The following FGFR3 variants were observed in gnomAD, a reference collection of about 807,000 sequenced individuals.
FGFR3 encodes fibroblast growth factor receptor 3.
Under a neutral mutation model 82.9 loss-of-function variants are expected in FGFR3, and 25 were observed. The ratio of observed to expected loss-of-function variants is 0.30; its 90% CI spans 0.22 to 0.42. FGFR3 has a LOEUF of 0.42. Among genes scored for constraint, FGFR3 ranks in the 10% least tolerant of loss-of-function variants. FGFR3 has a pLI of 1.00. For missense variants in FGFR3, 1,026 were observed against 1,161.0 expected (o/e 0.88, Z 1.69); for synonymous variants, 620 against 516.0 (o/e 1.20, Z -2.73).
rs185946582 is a variant in FGFR3, at chr4:1,808,180, C to T, written c.*918C>T. 1.2e-3 allele frequency: 273 copies of T among 232,702 alleles called. No homozygotes were observed. Among genetic ancestry groups the T allele is most frequent in the Non-Finnish European group, 1.7e-3 (202 of 117,752 alleles). The allele number at this position is 232,702 out of a possible 1,614,324, so 14.4% of individuals were successfully genotyped here. ...TTCCAGCATTTAGCTGGCCACATGGCGGAGAGTTTTAATTTTTAACTTATT... is the reference window on the plus strand; with the variant it reads ...TTCCAGCATTTAGCTGGCCACATGGTGGAGAGTTTTAATTTTTAACTTATT... On this transcript the variant is annotated 3_prime_UTR_variant, in exon 18 of 18. Coordinates refer to ENST00000440486, the MANE Select transcript of FGFR3 (RefSeq NM_000142.5).
chr4:1,805,716 C>T lies in FGFR3; in HGVS notation c.1646-34C>T, dbSNP rs376418987. On this transcript the variant is annotated intron_variant, in intron 12 of 17. Transcript: ENST00000440486. The stretch of plus-strand genomic sequence containing the variant: ...GTGCCGGCTGGGCGGCCCTCCTGGG[C>T]CTGGCAGCCCGTCTGAGGAGCCCGT... 82 of 1,611,516 alleles carry T rather than the reference C, an allele frequency of 5.1e-5. No homozygotes were observed. In the African/African-American group the frequency reaches 9.7e-4, roughly 19 times the overall value.
chr4:1,802,880 G>A (rs1205496119), intron 7 of FGFR3: 1 of 1,565,840 alleles, frequency 6.4e-7, no homozygotes, highest in Non-Finnish European at 8.6e-7. Flanking sequence ...GCTGCCTCGG[G>A]GGCGTGCCTG....
chr4:1,804,779 C>A (rs1416784448), intron 9 of FGFR3, 45 bp from the exon 10 acceptor site: 1 of 1,548,256 alleles, frequency 6.5e-7, no homozygotes, highest in Non-Finnish European at 8.7e-7. Flanking sequence ...ACCTCCACGC[C>A]CTGTCGCCCA....
rs2108813997 is a variant in FGFR3 at position 1,806,828 on chromosome 4, G to A, written c.2169-1G>A. The A allele has an allele frequency of 6.2e-7, 1 of 1,604,668 alleles. No homozygotes were observed. Among genetic ancestry groups the A allele is most frequent in the Non-Finnish European group, 8.5e-7 (1 of 1,176,466 alleles). On this transcript the variant is annotated splice_acceptor_variant, in intron 16 of 17. Coordinates refer to ENST00000440486, the MANE Select transcript of FGFR3 (RefSeq NM_000142.5). LOFTEE classifies it high-confidence loss of function. The stretch of plus-strand genomic sequence containing the variant: ...CTCACTCCTGAGCGCCCTGCCCGCA[G>A]GTACATGATCATGCGGGAGTGCTGG...
intron 2 of FGFR3, among the ~76,000 whole-genome samples, chr4:1,795,486 A>T (rs540422623): frequency 6.9e-6 from 1 of 145,002 alleles, no homozygotes; most frequent in Non-Finnish European, 1.5e-5. Context: ...TAGTGAGTTG[A>T]TCGGTCAATA....
rs375563964 is a variant in FGFR3 at position 1,807,253 on chromosome 4, G to C, written c.2412G>C (p.Ser804=). 1 of 1,601,804 alleles carries C rather than the reference G, an allele frequency of 6.2e-7. No individual in the cohort carries two copies. The highest frequency in any genetic ancestry group is 1.7e-5 in the Admixed American group (1 of 59,056). ...CGGCCCCACCCAGCAGTGGGGGCTC[G>C]CGGACGTGAAGGGCCACTGGTCCCC... ...LPPAPPSSGG[S]RT is the part of the protein sequence containing the mutation. Residue 804 remains serine (S), a synonymous_variant, in exon 18 of 18, where the codon TCG becomes TCC. Transcript: ENST00000440486.
intron 2 of FGFR3, among the ~76,000 whole-genome samples, chr4:1,797,996 G>A (rs1289082357): frequency 6.6e-6 from 1 of 152,158 alleles, no homozygotes; most frequent in Admixed American, 6.5e-5. Flanking sequence ...TGGGTCTGAA[G>A]AAGGAGGCTG....
chr4:1,797,152 T>C (rs1216769646), intron 2 of FGFR3, among the ~76,000 whole-genome samples: 1 of 152,158 alleles, frequency 6.6e-6, no homozygotes, highest in African/African-American at 2.4e-5. Context: ...GCCTCCCTTT[T>C]GTGGATCAAG....
intron 7 of FGFR3, among the ~76,000 whole-genome samples, 195 bp downstream of exon 7, chr4:1,802,220 G>T (rs531250587): frequency 6.6e-6 from 1 of 152,186 alleles, no homozygotes; most frequent in Non-Finnish European, 1.5e-5. Flanking sequence ...GTTGGGACCC[G>T]TTTCCGTGTC....
rs1335700868 is a variant in FGFR3, at chr4:1,808,686, T to C, written c.*1424T>C. 1 of 232,326 alleles carries C rather than the reference T, an allele frequency of 4.3e-6. No homozygotes were observed. The highest frequency in any genetic ancestry group is 5.6e-5 in the Admixed American group (1 of 17,722). 14.4% of individuals were successfully genotyped at this position (232,326 alleles called of 1,614,324 possible). On this transcript the variant is annotated 3_prime_UTR_variant, in exon 18 of 18. Coordinates refer to ENST00000440486, the MANE Select transcript of FGFR3 (RefSeq NM_000142.5). ...AGCCGTGAATTCAGTTGGTTCGTTC[T>C]GTACTGTTACTGGGCCCTGAGTCTG...
At chr4:1,798,241 C>G (rs1577264069) in intron 2 of FGFR3, among the ~76,000 whole-genome samples, 1 of 151,964 alleles carries the variant, frequency 6.6e-6, no homozygotes, top group Non-Finnish European at 1.5e-5. Flanking sequence ...CTTCTCAGCC[C>G]CCAGGGAGGG....
rs1429295407 is a variant in FGFR3 at position 1,807,790 on chromosome 4, G to A, written c.*528G>A. On this transcript the variant is annotated 3_prime_UTR_variant, in exon 18 of 18. Coordinates refer to ENST00000440486, the MANE Select transcript of FGFR3 (RefSeq NM_000142.5). ...CCCACTTCCCACCCTGCCCCTCAGA[G>A]ACTGAAATTACGGGTACCTGAAGAT... 4 of 521,832 alleles carry A rather than the reference G, an allele frequency of 7.7e-6. No homozygotes were observed. The highest frequency in any genetic ancestry group is 7.5e-5 in the African/African-American group (4 of 53,222). 32.3% of individuals were successfully genotyped at this position (521,832 alleles called of 1,614,324 possible). A position where few individuals can be genotyped will look rare whatever the true frequency, so the allele number is the denominator to read the frequency against.
intron 2 of FGFR3, among the ~76,000 whole-genome samples, chr4:1,795,665 C>T (rs988412804): frequency 2.6e-5 from 4 of 152,326 alleles, no homozygotes; most frequent in African/African-American, 4.8e-5. Flanking sequence ...CTGCCCTGGC[C>T]ACCCCAGGCC....
chr4:1,803,637 C>T (rs1450827896), intron 7 of FGFR3, 55 bp from the exon 8 acceptor site: 59 of 1,593,564 alleles, frequency 3.7e-5, no homozygotes, highest in African/African-American at 6.7e-5. Context: ...GGACTCTGTG[C>T]GGTGCCCGCA....
In FGFR3 at chr4:1,807,902, C is replaced by CAT. The variant is rs1158691826; in HGVS notation, c.*652_*653dup. 101 of 341,452 alleles carry CAT rather than the reference C, an allele frequency of 3.0e-4. No individual in the cohort carries two copies. The highest frequency in any genetic ancestry group is 5.4e-4 in the Admixed American group (12 of 22,142). 21.2% of individuals were successfully genotyped at this position (341,452 alleles called of 1,614,324 possible). ...AGATGCTGTGTATATGGTATATATA[C>CAT]ATATATATATATAACATATATGGAA... is the stretch of plus-strand genomic sequence containing the variant. On this transcript the variant is annotated 3_prime_UTR_variant, in exon 18 of 18. Coordinates refer to ENST00000440486, the MANE Select transcript of FGFR3 (RefSeq NM_000142.5).
intron 2 of FGFR3, among the ~76,000 whole-genome samples, chr4:1,797,097 G>A (rs570094458): frequency 1.3e-5 from 2 of 152,318 alleles, no homozygotes; most frequent in Admixed American, 6.5e-5. Context: ...CAGGAGTTTT[G>A]TCTCCAACGT....
rs984284600 is a variant in FGFR3 at position 1,807,850 on chromosome 4, C to T, written c.*588C>T. 54 of 431,958 alleles carry T rather than the reference C, an allele frequency of 1.3e-4. No individual in the cohort carries two copies. Among genetic ancestry groups the T allele is most frequent in the African/African-American group, 6.5e-4 (33 of 50,556 alleles). 26.8% of individuals were successfully genotyped at this position (431,958 alleles called of 1,614,324 possible). On this transcript the variant is annotated 3_prime_UTR_variant, in exon 18 of 18. Transcript: ENST00000440486. ...TACCTTTTATGCAAAAGGTTTATTC[C>T]GGAAACTAGTGTACATTTCTATAAA...
intron 4 of FGFR3, 24 bp downstream of exon 4, chr4:1,799,836 G>C: frequency 6.2e-7 from 1 of 1,611,098 alleles, no homozygotes; most frequent in Non-Finnish European, 8.5e-7. Context: ...CCAGGGTTCA[G>C]GCCAGCCGGG....
chr4:1,801,574 G>A lies in FGFR3; in HGVS notation c.615+38G>A, dbSNP rs199595716. ...GGGTGGCTCTGGGCCTGGCAGGCGC[G>A]GTGGTTGCTGCCTCCGCTCACTCAC... is the stretch of plus-strand genomic sequence containing the variant. On this transcript the variant is annotated intron_variant, in intron 5 of 17. Transcript: ENST00000440486. The A allele has an allele frequency of 2.3e-5, 36 of 1,580,984 alleles. No individual in the cohort carries two copies. In the African/African-American group the frequency reaches 3.5e-4, roughly 15 times the overall value.
Sources: allele counts gnomAD v4.1 joint callset (sites outside exome capture counted in the v4.1 genomes callset), GRCh38; gene constraint gnomAD v4.1.1; transcripts MANE v1.5; gene names NCBI Gene and HGNC (gene_info 2026-07-23, HGNC 2026-07-21).